Variants in ARID3B observed in about 807,000 individuals in gnomAD.
ARID3B encodes AT-rich interaction domain 3B, also known as AT-rich interactive domain-containing protein 3B.
A neutral mutation model predicts 51.9 loss-of-function variants in ARID3B; 10 were observed. The observed-to-expected ratio is 0.19, with a 90% CI of 0.12 to 0.33. The LOEUF (loss-of-function observed/expected upper bound fraction) is 0.33, where lower values mean the gene tolerates loss of function less well. Among genes scored for constraint, ARID3B ranks in the 10% least tolerant of loss-of-function variants. The pLI, the probability that ARID3B is intolerant of heterozygous loss-of-function variation, is 1.00. For synonymous variants in ARID3B, 205 were observed against 279.5 expected, an observed-to-expected ratio of 0.73 and a Z score of 2.66; for missense variants, 483 against 716.3, an observed-to-expected ratio of 0.67 and a Z score of 3.72.
chr15:74,561,964 T>C (rs2061680837), intron 2 of ARID3B, among the ~76,000 whole-genome samples: 1 of 150,570 alleles, frequency 6.6e-6, no homozygotes, highest in South Asian at 2.1e-4. Flanking sequence ...AATTGTAGGC[T>C]AATATATGTG....
chr15:74,563,572 A>G (rs1338817644), intron 2 of ARID3B, among the ~76,000 whole-genome samples: 1 of 152,132 alleles, frequency 6.6e-6, no homozygotes, highest in African/African-American at 2.4e-5. Context: ...CAGCGGGTCC[A>G]TTGAAGTGTT....
chr15:74,594,672 C>T (rs1567128337), intron 8 of ARID3B, among the ~76,000 whole-genome samples: 1 of 152,276 alleles, frequency 6.6e-6, no homozygotes, highest in Non-Finnish European at 1.5e-5. Context: ...AGAGCACCGC[C>T]CTGCAGGCCT....
At chr15:74,552,814 C>T (rs1188387644) in intron 2 of ARID3B, among the ~76,000 whole-genome samples, 1 of 152,070 alleles carries the variant, frequency 6.6e-6, no homozygotes, top group Non-Finnish European at 1.5e-5. Context: ...CTGGACATAC[C>T]ACAGTTTATC....
chr15:74,569,527 C>G (rs949227216), intron 2 of ARID3B, among the ~76,000 whole-genome samples: 5 of 152,160 alleles, frequency 3.3e-5, no homozygotes, highest in Admixed American at 2.0e-4. Context: ...GCAGAGGTCG[C>G]AGTGACCTGA....
At chr15:74,559,567 C>T (rs780559722) in intron 2 of ARID3B, among the ~76,000 whole-genome samples, 2 of 152,146 alleles carry the variant, frequency 1.3e-5, no homozygotes, top group Non-Finnish European at 2.9e-5. Context: ...GGGAAAAGGT[C>T]AAGTGGGAAG....
At chr15:74,594,200 G>A (rs970347828) in intron 8 of ARID3B, among the ~76,000 whole-genome samples, 3 of 152,182 alleles carry the variant, frequency 2.0e-5, no homozygotes, top group African/African-American at 7.2e-5. Context: ...TGTAATCCCA[G>A]CATTTTGGGA....
chr15:74,542,144 T>C (rs558396303), intron 1 of ARID3B, among the ~76,000 whole-genome samples: 1 of 152,382 alleles, frequency 6.6e-6, no homozygotes, highest in East Asian at 1.9e-4. Context: ...TGAGAAGTTA[T>C]TCCGATCGTG....
At chr15:74,565,343 C>T (rs988448454) in intron 2 of ARID3B, among the ~76,000 whole-genome samples, 8 of 152,198 alleles carry the variant, frequency 5.3e-5, no homozygotes, top group Admixed American at 5.2e-4. Context: ...TGAGCCACCG[C>T]ACCCTGTTCT....
At chr15:74,577,579 G>A in intron 4 of ARID3B, among the ~76,000 whole-genome samples, 1 of 152,076 alleles carries the variant, frequency 6.6e-6, no homozygotes, top group East Asian at 1.9e-4. Context: ...GGAGTGTAGT[G>A]GCGCAATCAT....
At chr15:74,548,577 T>C (rs1014964186) in intron 2 of ARID3B, among the ~76,000 whole-genome samples, 6 of 152,222 alleles carry the variant, frequency 3.9e-5, no homozygotes, top group African/African-American at 1.4e-4. Context: ...GTGACTGCCT[T>C]CTAGGATGGA....
intron 4 of ARID3B, among the ~76,000 whole-genome samples, chr15:74,584,977 T>C (rs74941528): frequency 6.6e-6 from 1 of 152,194 alleles, no homozygotes; most frequent in African/African-American, 2.4e-5. Context: ...GTCAGTCTCC[T>C]TTATTGAGGA....
At chr15:74,581,825 G>C (rs1292656439) in intron 4 of ARID3B, among the ~76,000 whole-genome samples, 1 of 152,196 alleles carries the variant, frequency 6.6e-6, no homozygotes, top group Non-Finnish European at 1.5e-5. Context: ...TGAGTTATTT[G>C]ATAGTTTTGC....
At chr15:74,564,948 G>A (rs2061692310) in intron 2 of ARID3B, among the ~76,000 whole-genome samples, 1 of 151,978 alleles carries the variant, frequency 6.6e-6, no homozygotes, top group Non-Finnish European at 1.5e-5. Flanking sequence ...CAGGTCCTAG[G>A]AGTTTGCTTA....
At chr15:74,546,937 CTTGGGGA>C (rs2061617991) in intron 2 of ARID3B, among the ~76,000 whole-genome samples, 1 of 152,016 alleles carries the variant, frequency 6.6e-6, no homozygotes, top group South Asian at 2.1e-4. Context: ...AAATCATATG[CTTGGGGA>C]TTTTAAAACT....
At chr15:74,574,740 C>T (rs1188742431) in intron 4 of ARID3B, 1 of 152,226 alleles carries the variant, frequency 6.6e-6, no homozygotes, top group Admixed American at 6.5e-5. Context: ...CGCGGTGGCT[C>T]CTGCCTGTAA....
At position 74,572,940 on chromosome 15, in the gene ARID3B, A is replaced by G. The variant is rs1052685539; in HGVS notation, c.624+7A>G. On this transcript the variant is annotated splice_region_variant and intron_variant, in intron 3 of 8. Transcript: ENST00000346246. ...CTCTCGAGATTTTGCCAAGGTCTGT[A>G]ATACTTCCTTTGTGATACAGATAGG... 3.1e-6 allele frequency: 5 copies of G among 1,614,158 alleles called. No homozygotes were observed. Among genetic ancestry groups the G allele is most frequent in the Non-Finnish European group, 3.4e-6 (4 of 1,179,976 alleles).
At chr15:74,551,864 C>CCAGTCTGATCTCTGTTTCTTCCA (rs1299526690) in intron 2 of ARID3B, among the ~76,000 whole-genome samples, 2 of 152,072 alleles carry the variant, frequency 1.3e-5, no homozygotes, top group Non-Finnish European at 2.9e-5. Flanking sequence ...TCAGCATACT[C>CCAGTCTGATCTCTGTTTCTTCCA]CAGTCTGATC....
intron 2 of ARID3B, among the ~76,000 whole-genome samples, chr15:74,554,092 C>T (rs1330073016): frequency 9.2e-5 from 14 of 151,838 alleles, no homozygotes; most frequent in Admixed American, 5.9e-4. Context: ...TTACGAGCTC[C>T]GCCTCCTGGG....
chr15:74,555,897 T>G (rs1196006230), intron 2 of ARID3B, among the ~76,000 whole-genome samples: 1 of 146,870 alleles, frequency 6.8e-6, no homozygotes, highest in African/African-American at 2.5e-5. Flanking sequence ...GTTCATGCCA[T>G]TCTCCTGCCT....
Sources: allele counts gnomAD v4.1 joint callset (sites outside exome capture counted in the v4.1 genomes callset), GRCh38; gene constraint gnomAD v4.1.1; transcripts MANE v1.5; gene names NCBI Gene and HGNC (gene_info 2026-07-23, HGNC 2026-07-21).